ZNF420: variants seen among roughly 807,000 people sequenced by gnomAD.
The protein encoded by ZNF420 is zinc finger protein 420, also known as ATM and p53-associated KZNF protein.
In ZNF420, 31 loss-of-function variants were observed where a neutral mutation model predicts 44.7. The ratio of observed to expected loss-of-function variants is 0.69; its 90% CI spans 0.52 to 0.94. ZNF420 has a LOEUF of 0.94. Ranked by LOEUF, ZNF420 falls within the 40% of genes least tolerant of loss-of-function variation. The probability of loss-of-function intolerance (pLI) is 0.00; values close to 1 mark genes in which losing one functional copy is unlikely to be tolerated. For synonymous variants in ZNF420, 245 were observed against 267.4 expected, an observed-to-expected ratio of 0.92 and a Z score of 0.82; for missense variants, 681 against 827.9, an observed-to-expected ratio of 0.82 and a Z score of 2.18.
At chr19:37,076,016 C>T (rs1416224273), upstream of ZNF420, among the ~76,000 whole-genome samples, 1 of 151,780 alleles carries the variant, frequency 6.6e-6, no homozygotes, top group African/African-American at 2.4e-5. Flanking sequence ...CCTTTTTTAG[C>T]TTAAAGTACC....
At chr19:37,118,527 A>G (rs1970825799) in intron 4 of ZNF420, among the ~76,000 whole-genome samples, 1 of 152,224 alleles carries the variant, frequency 6.6e-6, no homozygotes, top group Admixed American at 6.5e-5. Flanking sequence ...GCCAAATTGT[A>G]AAGACCATCA....
intron 4 of ZNF420, among the ~76,000 whole-genome samples, chr19:37,121,883 G>T (rs530901455): frequency 8.5e-5 from 13 of 152,244 alleles, no homozygotes; most frequent in African/African-American, 3.1e-4. Context: ...ATCATCACTG[G>T]CCATCAGAGA....
intron 1 of ZNF420, among the ~76,000 whole-genome samples, chr19:37,026,018 TTAA>T: frequency 6.6e-6 from 1 of 152,126 alleles, no homozygotes; most frequent in East Asian, 1.9e-4. Context: ...ATCAATCTTA[TTAA>T]TAATGGCATA....
chr19:37,079,610 A>G (rs192568068), intron 1 of ZNF420, among the ~76,000 whole-genome samples: 8 of 152,298 alleles, frequency 5.3e-5, no homozygotes, highest in Non-Finnish European at 1.0e-4. Context: ...GGTGCAGGGA[A>G]GTGGCAAGAA....
intron 4 of ZNF420, among the ~76,000 whole-genome samples, chr19:37,095,123 C>G (rs1215079963): frequency 1.4e-5 from 2 of 138,796 alleles, no homozygotes; most frequent in African/African-American, 5.6e-5. Context: ...GAGAGAGACT[C>G]TGTCTCAAAA....
At chr19:37,079,971 G>T (rs1000197929) in intron 1 of ZNF420, among the ~76,000 whole-genome samples, 5 of 152,138 alleles carry the variant, frequency 3.3e-5, no homozygotes, top group African/African-American at 1.2e-4. Context: ...TCCAGCCTGG[G>T]CAACAAGAGT....
intron 1 of ZNF420, among the ~76,000 whole-genome samples, chr19:37,071,982 G>T (rs184007617): frequency 4.6e-5 from 7 of 151,994 alleles, no homozygotes; most frequent in Non-Finnish European, 8.8e-5. Flanking sequence ...AAATTCTTTT[G>T]GTAGGTCATA....
intron 4 of ZNF420, among the ~76,000 whole-genome samples, chr19:37,097,838 G>A (rs368133634): frequency 6.6e-6 from 1 of 152,078 alleles, no homozygotes; most frequent in African/African-American, 2.4e-5. Flanking sequence ...CTTTGTTCAC[G>A]AGATTGGCTT....
At chr19:37,051,428 G>A (rs1027197555) in intron 1 of ZNF420, among the ~76,000 whole-genome samples, 2 of 152,016 alleles carry the variant, frequency 1.3e-5, no homozygotes, top group African/African-American at 2.4e-5. Context: ...GAGATTCAAC[G>A]TCTTCCTGGT....
chr19:37,123,599 CTTTT>C (rs762782458), intron 4 of ZNF420, among the ~76,000 whole-genome samples: 3 of 80,324 alleles, frequency 3.7e-5, no homozygotes, highest in South Asian at 9.2e-4. Flanking sequence ...TTACTCTTGT[CTTTT>C]TTTTTTTTTT....
chr19:37,010,261 G>A (rs1380810545), intron 1 of ZNF420, among the ~76,000 whole-genome samples: 1 of 152,154 alleles, frequency 6.6e-6, no homozygotes, highest in African/African-American at 2.4e-5. Context: ...CGCGGAGGGC[G>A]GACCAGCATG....
chr19:37,011,718 C>T (rs577890382), intron 1 of ZNF420, among the ~76,000 whole-genome samples: 1 of 152,294 alleles, frequency 6.6e-6, no homozygotes, highest in South Asian at 2.1e-4. Context: ...CAGGCACATA[C>T]CTGGACACCA....
chr19:37,013,065 G>T (rs2074584181), intron 1 of ZNF420, among the ~76,000 whole-genome samples: 1 of 151,978 alleles, frequency 6.6e-6, no homozygotes, highest in South Asian at 2.1e-4. Context: ...GAGCATCGTG[G>T]GTCCCGCAGG....
At chr19:37,081,588 A>G (rs11673192) in intron 2 of ZNF420, among the ~76,000 whole-genome samples, 45,737 of 145,034 alleles carry the variant, frequency 0.32, 7,334 homozygotes, top group Non-Finnish European at 0.36. Context: ...TGCAACCTCC[A>G]CCTCCCAGGT....
chr19:37,121,053 G>A (rs1307141552), intron 4 of ZNF420, among the ~76,000 whole-genome samples: 4 of 150,506 alleles, frequency 2.7e-5, no homozygotes, highest in Non-Finnish European at 5.9e-5. Flanking sequence ...TACTGCCCAA[G>A]GTAATTTATA....
At chr19:37,100,385 G>A (rs1969700477) in intron 4 of ZNF420, among the ~76,000 whole-genome samples, 1 of 152,088 alleles carries the variant, frequency 6.6e-6, no homozygotes, top group African/African-American at 2.4e-5. Context: ...AAGTCATGGA[G>A]TTTGATGCCT....
chr19:37,127,037 C>T (rs1308090683), intron 4 of ZNF420, 91 bp from the exon 5 acceptor site: 1 of 1,108,918 alleles, frequency 9.0e-7, no homozygotes, highest in Non-Finnish European at 1.2e-6. Flanking sequence ...TCATGTATGT[C>T]TGTTATTTCT....
intron 1 of ZNF420, among the ~76,000 whole-genome samples, chr19:37,061,797 T>G (rs2146441714): frequency 6.6e-6 from 1 of 152,292 alleles, no homozygotes; most frequent in South Asian, 2.1e-4. Context: ...ATATCCCATA[T>G]TTTGAGGACT....
chr19:37,077,424 C>T (rs891681762), upstream of ZNF420, among the ~76,000 whole-genome samples: 1 of 152,128 alleles, frequency 6.6e-6, no homozygotes, highest in Non-Finnish European at 1.5e-5. Flanking sequence ...TTTTGGCCTG[C>T]TGTGGCAGAG....
Sources: gnomAD v4.1 joint callset for allele counts (sites outside exome capture counted in the v4.1 genomes callset) on GRCh38, gnomAD v4.1.1 for gene constraint, MANE v1.5 for transcripts, NCBI Gene and HGNC (gene_info 2026-07-23, HGNC 2026-07-21) for gene names.